Variants in DRC8 observed in about 807,000 individuals in gnomAD.
DRC8 encodes dynein regulatory complex protein 8.
chr1:245,059,054 T>A, the DRC8 span, among the ~76,000 whole-genome samples: 1 of 152,218 alleles, frequency 6.6e-6, no homozygotes, highest in Non-Finnish European at 1.5e-5. Context: ...GACATTATCA[T>A]CCCCATTTTA....
chr1:245,078,228 T>G, the DRC8 span, among the ~76,000 whole-genome samples: 3 of 148,606 alleles, frequency 2.0e-5, no homozygotes, highest in Admixed American at 6.6e-5. Flanking sequence ...AACCTGTTGG[T>G]GGGAGTGTAA....
chr1:245,034,388 G>A, the DRC8 span, among the ~76,000 whole-genome samples: 3 of 152,026 alleles, frequency 2.0e-5, no homozygotes, highest in Non-Finnish European at 4.4e-5. Context: ...ATCTTTTGAG[G>A]TCAGGAGTTC....
At chr1:244,974,477 C>T in the DRC8 span, among the ~76,000 whole-genome samples, 1 of 152,132 alleles carries the variant, frequency 6.6e-6, no homozygotes, top group African/African-American at 2.4e-5. Context: ...GATAAAGTGC[C>T]TCTAATTCAA....
chr1:245,082,851 C>T, the DRC8 span, among the ~76,000 whole-genome samples: 4 of 151,908 alleles, frequency 2.6e-5, no homozygotes, highest in African/African-American at 7.3e-5. Context: ...ATTACAGGCA[C>T]GTGCATGCCA....
the DRC8 span, chr1:245,002,212 C>T: frequency 1.6e-4 from 261 of 1,609,160 alleles, 1 homozygote; most frequent in East Asian, 4.4e-3. Flanking sequence ...CACACAATGA[C>T]GGTGTTATGG....
the DRC8 span, among the ~76,000 whole-genome samples, chr1:245,057,192 G>A: frequency 6.6e-6 from 1 of 152,086 alleles, no homozygotes; most frequent in Non-Finnish European, 1.5e-5. Flanking sequence ...TGTAACATCC[G>A]GTTAGGTTGC....
At chr1:245,034,511 G>A in the DRC8 span, among the ~76,000 whole-genome samples, 1 of 137,924 alleles carries the variant, frequency 7.3e-6, no homozygotes, top group African/African-American at 2.7e-5. Flanking sequence ...TGAGGCAGGA[G>A]AATTGCTTGA....
chr1:245,107,991 C>T, the DRC8 span, among the ~76,000 whole-genome samples: 1 of 152,192 alleles, frequency 6.6e-6, no homozygotes, highest in African/African-American at 2.4e-5. Context: ...GCCCTTCCTC[C>T]ACCAGAGATT....
the DRC8 span, among the ~76,000 whole-genome samples, chr1:245,035,229 A>G: frequency 4.0e-5 from 6 of 151,694 alleles, no homozygotes; most frequent in Non-Finnish European, 8.8e-5. Context: ...TCTAAAATTC[A>G]TATAGAAATG....
At chr1:245,015,965 CTT>C in the DRC8 span, among the ~76,000 whole-genome samples, 469 of 57,094 alleles carry the variant, frequency 8.2e-3, no homozygotes, top group African/African-American at 0.028. Flanking sequence ...GCCTACAGGG[CTT>C]TTTTTTTTTT....
At chr1:245,016,218 TGA>T in the DRC8 span, among the ~76,000 whole-genome samples, 1 of 152,148 alleles carries the variant, frequency 6.6e-6, no homozygotes, top group Non-Finnish European at 1.5e-5. Context: ...TGACCTCAGG[TGA>T]ACCACCCTCC....
the DRC8 span, among the ~76,000 whole-genome samples, chr1:244,990,995 A>T: frequency 6.6e-6 from 1 of 152,138 alleles, no homozygotes; most frequent in Non-Finnish European, 1.5e-5. Flanking sequence ...GTTACTACAG[A>T]TCCCACAGGT....
chr1:245,075,854 T>C, the DRC8 span, among the ~76,000 whole-genome samples: 4 of 152,330 alleles, frequency 2.6e-5, no homozygotes, highest in African/African-American at 7.2e-5. Context: ...GTTGCTTCTG[T>C]CTTTTGAAGG....
the DRC8 span, among the ~76,000 whole-genome samples, chr1:244,976,726 T>TA: frequency 6.6e-6 from 1 of 152,138 alleles, no homozygotes; most frequent in Non-Finnish European, 1.5e-5. Context: ...TGGAAAGTGG[T>TA]ATGGCGGTTC....
the DRC8 span, among the ~76,000 whole-genome samples, chr1:245,006,787 A>T: frequency 6.6e-6 from 1 of 152,080 alleles, no homozygotes; most frequent in Non-Finnish European, 1.5e-5. Flanking sequence ...CACAAAAATT[A>T]GCTGGGCATG....
At chr1:244,997,339 T>TGA in the DRC8 span, among the ~76,000 whole-genome samples, 1 of 152,136 alleles carries the variant, frequency 6.6e-6, no homozygotes, top group South Asian at 2.1e-4. Flanking sequence ...CTCATCTCTG[T>TGA]CTTAACTAAA....
chr1:245,112,659 G>T, the DRC8 span, among the ~76,000 whole-genome samples: 1 of 152,014 alleles, frequency 6.6e-6, no homozygotes, highest in Admixed American at 6.6e-5. Context: ...TCACATTGTC[G>T]TGCAGCCATC....
At chr1:244,969,965 G>A in the DRC8 span, 2 of 515,360 alleles carry the variant, frequency 3.9e-6, no homozygotes, top group Non-Finnish European at 3.4e-6. Context: ...CTAGCTCTCC[G>A]GCGCTTTTCA....
At chr1:245,074,169 A>C in the DRC8 span, among the ~76,000 whole-genome samples, 1 of 152,216 alleles carries the variant, frequency 6.6e-6, no homozygotes, top group African/African-American at 2.4e-5. Context: ...CTTTTTGTTC[A>C]TCAGTATATT....
Sources: gnomAD v4.1 joint callset for allele counts (sites outside exome capture counted in the v4.1 genomes callset) on GRCh38, gnomAD v4.1.1 for gene constraint, MANE v1.5 for transcripts, NCBI Gene and HGNC (gene_info 2026-07-23, HGNC 2026-07-21) for gene names.